Variants in FCHSD2 observed in about 807,000 individuals in gnomAD.
The protein encoded by FCHSD2 is F-BAR and double SH3 domains protein 2.
A neutral mutation model predicts 108.1 loss-of-function variants in FCHSD2; 38 were observed. The observed-to-expected ratio is 0.35, with a 90% CI of 0.27 to 0.46. The LOEUF is 0.46. Ranked by LOEUF, FCHSD2 falls within the 20% of genes least tolerant of loss-of-function variation. The pLI, the probability that FCHSD2 is intolerant of heterozygous loss-of-function variation, is 1.00. For missense variants in FCHSD2, 751 were observed against 897.8 expected (o/e 0.84, Z 2.09); for synonymous variants, 279 against 314.7 (o/e 0.89, Z 1.20).
intron 6 of FCHSD2, among the ~76,000 whole-genome samples, chr11:72,987,242 T>C (rs930337650): frequency 2.0e-5 from 3 of 152,222 alleles, no homozygotes; most frequent in Admixed American, 6.5e-5. Flanking sequence ...TCCTTATCTC[T>C]ACTTAGAAAA....
intron 2 of FCHSD2, among the ~76,000 whole-genome samples, chr11:73,100,547 G>A (rs1860199090): frequency 6.6e-6 from 1 of 152,102 alleles, no homozygotes; most frequent in African/African-American, 2.4e-5. Context: ...GTTTTTAGTA[G>A]AGATGGGGTT....
intron 2 of FCHSD2, among the ~76,000 whole-genome samples, chr11:73,124,620 A>G (rs1860811138): frequency 6.6e-6 from 1 of 152,002 alleles, no homozygotes; most frequent in Non-Finnish European, 1.5e-5. Flanking sequence ...GCTGGGCATG[A>G]TGGCGTGTGC....
chr11:73,072,350 G>A (rs532891586), intron 3 of FCHSD2, among the ~76,000 whole-genome samples: 26 of 151,898 alleles, frequency 1.7e-4, no homozygotes, highest in Non-Finnish European at 4.4e-5. Flanking sequence ...ATGTCCCCAA[G>A]AGTACTAACA....
At chr11:72,892,940 G>A (rs1249991614) in intron 10 of FCHSD2, among the ~76,000 whole-genome samples, 1 of 151,806 alleles carries the variant, frequency 6.6e-6, no homozygotes, top group Non-Finnish European at 1.5e-5. Context: ...ATTAGCAGTG[G>A]TCGATTCTAA....
chr11:72,841,362 A>T, intron 18 of FCHSD2, 92 bp downstream of exon 18: 1 of 1,124,930 alleles, frequency 8.9e-7, no homozygotes, highest in South Asian at 1.5e-5. Flanking sequence ...AAAAAAAAAA[A>T]AAGCAAATGC....
intron 4 of FCHSD2, among the ~76,000 whole-genome samples, chr11:73,008,008 A>G (rs1591478169): frequency 6.6e-6 from 1 of 152,342 alleles, no homozygotes; most frequent in Non-Finnish European, 1.5e-5. Context: ...AGGCTTAGAA[A>G]TACACCTTTC....
At chr11:73,067,827 G>A (rs1859332276) in intron 3 of FCHSD2, among the ~76,000 whole-genome samples, 1 of 152,136 alleles carries the variant, frequency 6.6e-6, no homozygotes, top group Non-Finnish European at 1.5e-5. Flanking sequence ...ACCTTTATGA[G>A]GTACCTGCAT....
intron 2 of FCHSD2, among the ~76,000 whole-genome samples, chr11:73,104,631 C>T (rs1378705378): frequency 6.6e-6 from 1 of 152,096 alleles, no homozygotes. Context: ...TGCAGTACCG[C>T]AATCTCATCT....
intron 8 of FCHSD2, among the ~76,000 whole-genome samples, chr11:72,923,746 C>G (rs1448093110): frequency 1.3e-5 from 2 of 152,072 alleles, no homozygotes; most frequent in Non-Finnish European, 2.9e-5. Flanking sequence ...TCGAGACCAG[C>G]CTGGCCAAAA....
intron 2 of FCHSD2, among the ~76,000 whole-genome samples, chr11:73,100,398 T>C (rs895676021): frequency 1.8e-4 from 28 of 152,124 alleles, no homozygotes; most frequent in Middle Eastern, 3.4e-3. Context: ...AGTTTCACTC[T>C]TGTTGCCCAG....
At chr11:73,101,202 A>G (rs114773324) in intron 2 of FCHSD2, among the ~76,000 whole-genome samples, 207 of 152,352 alleles carry the variant, frequency 1.4e-3, no homozygotes, top group African/African-American at 4.9e-3. Flanking sequence ...ATTCATAAAA[A>G]GGCCACATAA....
chr11:73,059,321 A>G (rs953146299), intron 3 of FCHSD2, among the ~76,000 whole-genome samples: 3 of 152,012 alleles, frequency 2.0e-5, no homozygotes, highest in Admixed American at 1.3e-4. Context: ...TTTTTACACT[A>G]TAAAGTTGTT....
At chr11:73,057,423 TG>T (rs1859052406) in intron 3 of FCHSD2, among the ~76,000 whole-genome samples, 1 of 152,172 alleles carries the variant, frequency 6.6e-6, no homozygotes, top group Admixed American at 6.5e-5. Flanking sequence ...GTGGTAATTA[TG>T]GGGGTTCCCA....
rs751217926 is a variant in FCHSD2 at position 72,999,880 on chromosome 11, CACACACAA to C, written c.387+1102_387+1109del. Among the ~76,000 whole-genome samples the C allele has an allele frequency of 8.1e-4, 120 of 148,658 alleles. 1 individual carries two copies. The highest frequency in any genetic ancestry group is 6.3e-3 in the East Asian group (32 of 5,054). ...CTGCACAATCAGACACACACACACA[CACACACAA>C]ACACACACACACACACACTTTCTTC... is the stretch of plus-strand genomic sequence containing the variant. On this transcript the variant is annotated intron_variant, in intron 5 of 19. Coordinates refer to ENST00000409418, the MANE Select transcript of FCHSD2 (RefSeq NM_014824.3).
chr11:73,099,473 T>C (rs1860165228), intron 2 of FCHSD2, among the ~76,000 whole-genome samples: 1 of 152,046 alleles, frequency 6.6e-6, no homozygotes, highest in Non-Finnish European at 1.5e-5. Flanking sequence ...AAACAAATGC[T>C]AAACAAAAAT....
chr11:72,905,152 T>C (rs895062749), intron 9 of FCHSD2, among the ~76,000 whole-genome samples: 4 of 152,198 alleles, frequency 2.6e-5, no homozygotes, highest in African/African-American at 7.2e-5. Context: ...AGATCGAGTG[T>C]TGACAGGTTT....
intron 4 of FCHSD2, among the ~76,000 whole-genome samples, chr11:73,005,420 C>G (rs932538685): frequency 6.6e-6 from 1 of 152,110 alleles, no homozygotes; most frequent in Non-Finnish European, 1.5e-5. Context: ...CAACACTGAC[C>G]TAGTTTATCC....
intron 8 of FCHSD2, among the ~76,000 whole-genome samples, chr11:72,959,856 GT>G (rs1856790762): frequency 7.1e-6 from 1 of 141,488 alleles, no homozygotes; most frequent in African/African-American, 2.9e-5. Flanking sequence ...TTTCTAGGGT[GT>G]GTGTGTGTGT....
chr11:73,140,340 C>T (rs1367899075), intron 1 of FCHSD2, among the ~76,000 whole-genome samples: 2 of 152,110 alleles, frequency 1.3e-5, no homozygotes, highest in Non-Finnish European at 2.9e-5. Flanking sequence ...AATGAAAATA[C>T]ACGACTATAA....
Sources: allele counts gnomAD v4.1 joint callset (sites outside exome capture counted in the v4.1 genomes callset), GRCh38; gene constraint gnomAD v4.1.1; transcripts MANE v1.5; gene names NCBI Gene and HGNC (gene_info 2026-07-23, HGNC 2026-07-21).